The following TRIO variants were observed in gnomAD, a reference collection of about 807,000 sequenced individuals.
TRIO encodes the protein triple functional domain protein.
Under a neutral mutation model 351.9 loss-of-function variants are expected in TRIO, and 58 were observed. That is an observed-to-expected ratio of 0.16 (90% confidence interval 0.13 to 0.21). The LOEUF is 0.21. Among genes scored for constraint, TRIO ranks in the 10% least tolerant of loss-of-function variants. The pLI, the probability that TRIO is intolerant of heterozygous loss-of-function variation, is 1.00. For missense variants in TRIO, 3,201 were observed against 4,027.8 expected (o/e 0.79, Z 5.56); for synonymous variants, 1,758 against 1,595.7 (o/e 1.10, Z -2.42).
At chr5:14,325,131 A>C (rs1039984824) in intron 9 of TRIO, among the ~76,000 whole-genome samples, 2 of 152,092 alleles carry the variant, frequency 1.3e-5, no homozygotes, top group African/African-American at 4.8e-5. Context: ...TGCAATCAAC[A>C]CCTCTGCATT....
intron 19 of TRIO, among the ~76,000 whole-genome samples, chr5:14,376,357 G>A (rs1464724836): frequency 2.6e-5 from 4 of 152,268 alleles, no homozygotes; most frequent in South Asian, 2.1e-4. Context: ...CTCAAAAAGT[G>A]TACAAATACA....
At chr5:14,394,762 T>G (rs1266453781) in intron 28 of TRIO, among the ~76,000 whole-genome samples, 1 of 152,162 alleles carries the variant, frequency 6.6e-6, no homozygotes, top group African/African-American at 2.4e-5. Flanking sequence ...AAAATCACAT[T>G]TAAGAAAACA....
chr5:14,492,088 T>G (rs148094750), intron 48 of TRIO, among the ~76,000 whole-genome samples: 48 of 152,354 alleles, frequency 3.2e-4, no homozygotes, highest in Non-Finnish European at 5.6e-4. Flanking sequence ...CCAATGAACA[T>G]TCTATCTGGA....
At chr5:14,369,306 G>A (rs150977934) in intron 17 of TRIO, 68 bp from the exon 18 acceptor site, 422 of 1,526,178 alleles carry the variant, frequency 2.8e-4, no homozygotes, top group South Asian at 9.9e-4. Flanking sequence ...GACTGAAAGG[G>A]CTTTCCAGGG....
intron 34 of TRIO, chr5:14,420,458 G>A (rs1270763092): frequency 6.4e-6 from 1 of 156,728 alleles, no homozygotes; most frequent in Non-Finnish European, 1.4e-5. Flanking sequence ...TTAATTATAG[G>A]CCAAGCCATG....
At position 14,454,669 on chromosome 5, in the gene TRIO, T is replaced by A. The variant is rs140537672; in HGVS notation, c.5204-6350T>A. On this transcript the variant is annotated intron_variant, in intron 34 of 56. Coordinates refer to ENST00000344204, the MANE Select transcript of TRIO (RefSeq NM_007118.4). ...CGCTGCCTGCTGGCAGCTGGGTATG[T>A]AGTTAGAAACAACCAGACATGGTGC... Among the ~76,000 whole-genome samples, 291 of 152,314 alleles carry A rather than the reference T, an allele frequency of 1.9e-3. No homozygotes were observed. In the Middle Eastern group the frequency reaches 0.024, roughly 12 times the overall value.
At chr5:14,363,973 C>G in intron 14 of TRIO, 46 bp downstream of exon 14, 1 of 1,562,150 alleles carries the variant, frequency 6.4e-7, no homozygotes, top group African/African-American at 1.4e-5. Context: ...TTCTTCATGT[C>G]GTCATGGCAA....
chr5:14,349,482 C>T (rs1468883083), intron 11 of TRIO, among the ~76,000 whole-genome samples: 1 of 152,002 alleles, frequency 6.6e-6, no homozygotes, highest in Non-Finnish European at 1.5e-5. Context: ...TTCATTAAAC[C>T]TTTTGGAATC....
At chr5:14,367,169 C>T (rs190529122) in intron 16 of TRIO, among the ~76,000 whole-genome samples, 190 bp downstream of exon 16, 1 of 152,072 alleles carries the variant, frequency 6.6e-6, no homozygotes, top group Non-Finnish European at 1.5e-5. Flanking sequence ...TGTGGTGCCA[C>T]GGTGAGGTGA....
At chr5:14,191,152 C>T (rs1581315599) in intron 1 of TRIO, among the ~76,000 whole-genome samples, 1 of 152,116 alleles carries the variant, frequency 6.6e-6, no homozygotes, top group Non-Finnish European at 1.5e-5. Flanking sequence ...CTGGTTCCTA[C>T]CTAGTGGGTC....
chr5:14,224,119 C>T (rs1486916678), intron 1 of TRIO, among the ~76,000 whole-genome samples: 2 of 151,948 alleles, frequency 1.3e-5, no homozygotes, highest in African/African-American at 4.8e-5. Flanking sequence ...TTTAATGTTA[C>T]AGTGTTTATC....
intron 34 of TRIO, among the ~76,000 whole-genome samples, chr5:14,422,567 C>T (rs1750263047): frequency 6.6e-6 from 1 of 152,148 alleles, no homozygotes. Flanking sequence ...AAGAAGGGTC[C>T]AGGATCATGA....
chr5:14,312,640 G>T (rs1312151038), intron 8 of TRIO, among the ~76,000 whole-genome samples: 1 of 152,162 alleles, frequency 6.6e-6, no homozygotes, highest in Non-Finnish European at 1.5e-5. Context: ...GAGTTTCAGT[G>T]CCTGGAAGCT....
In TRIO at chr5:14,396,443, C is replaced by CTTT. The variant is rs1173121592; in HGVS notation, c.4312-558_4312-556dup. ...ATAATAATTAAATATTTCTATTTAT[C>CTTT]TTTTTTTTTTTTTTTTTTTTTTTTT... On this transcript the variant is annotated intron_variant, in intron 28 of 56. Coordinates refer to ENST00000344204, the MANE Select transcript of TRIO (RefSeq NM_007118.4). Among the ~76,000 whole-genome samples the CTTT allele has an allele frequency of 7.5e-4, 31 of 41,548 alleles. 2 individuals carry two copies. Among genetic ancestry groups the CTTT allele is most frequent in the Non-Finnish European group, 1.0e-3 (23 of 22,178 alleles). The allele number at this position is 41,548 out of a possible 152,430, so 27.3% of individuals were successfully genotyped here. A position where few individuals can be genotyped will look rare whatever the true frequency, so the allele number is the denominator to read the frequency against.
At chr5:14,317,331 G>A (rs1739461793) in intron 9 of TRIO, among the ~76,000 whole-genome samples, 1 of 152,132 alleles carries the variant, frequency 6.6e-6, no homozygotes, top group Admixed American at 6.5e-5. Context: ...TAAAGCTATG[G>A]GAGTAAAATA....
intron 53 of TRIO, among the ~76,000 whole-genome samples, chr5:14,500,469 A>G (rs1486111054): frequency 6.6e-6 from 1 of 152,092 alleles, no homozygotes; most frequent in Non-Finnish European, 1.5e-5. Context: ...GGGCTATGAG[A>G]GGGGAGTCCT....
chr5:14,459,191 C>T (rs562424226), intron 34 of TRIO, among the ~76,000 whole-genome samples: 46 of 152,310 alleles, frequency 3.0e-4, no homozygotes, highest in East Asian at 2.1e-3. Context: ...GTGAGACGGG[C>T]GTGTGCTGTC....
At chr5:14,322,590 T>C (rs1739985250) in intron 9 of TRIO, among the ~76,000 whole-genome samples, 1 of 152,190 alleles carries the variant, frequency 6.6e-6, no homozygotes, top group South Asian at 2.1e-4. Flanking sequence ...AAGCCAGCTC[T>C]GCAGGAAGCC....
intron 41 of TRIO, among the ~76,000 whole-genome samples, chr5:14,477,606 A>G (rs1579770699): frequency 6.6e-6 from 1 of 152,336 alleles, no homozygotes; most frequent in South Asian, 2.1e-4. Flanking sequence ...CACTATACCA[A>G]AAACTTGACA....
Sources: allele counts gnomAD v4.1 joint callset (sites outside exome capture counted in the v4.1 genomes callset), GRCh38; gene constraint gnomAD v4.1.1; transcripts MANE v1.5; gene names NCBI Gene and HGNC (gene_info 2026-07-23, HGNC 2026-07-21).